The following CLTRN variants were observed in gnomAD, a reference collection of about 807,000 sequenced individuals.
CLTRN encodes the protein collectrin.
Under a neutral mutation model 14.5 loss-of-function variants are expected in CLTRN, and 12 were observed. The ratio of observed to expected loss-of-function variants is 0.83; its 90% CI spans 0.53 to 1.34. CLTRN has a LOEUF of 1.34. Among genes scored for constraint, CLTRN ranks in the 40% most tolerant of loss-of-function variants. The pLI is 0.00. For synonymous variants in CLTRN, 58 were observed against 56.5 expected, an observed-to-expected ratio of 1.03 and a Z score of -0.12; for missense variants, 154 against 165.1, an observed-to-expected ratio of 0.93 and a Z score of 0.37.
intron 3 of CLTRN, among the ~76,000 whole-genome samples, chrX:15,652,290 C>G (rs1175479987): frequency 9.0e-6 from 1 of 111,636 alleles, no homozygotes; most frequent in Non-Finnish European, 1.9e-5. Flanking sequence ...AACTGAAATG[C>G]CATTAGCACA....
At chrX:15,667,254 TAA>T (rs1929639963), upstream of CLTRN, among the ~76,000 whole-genome samples, 1 of 110,066 alleles carries the variant, frequency 9.1e-6, no homozygotes, top group African/African-American at 3.3e-5. Flanking sequence ...AATAAATAAA[TAA>T]ATAAATAAAT....
chrX:15,643,941 C>T lies in CLTRN; in HGVS notation c.317+975G>A, dbSNP rs1426260900. Among the ~76,000 whole-genome samples the T allele has an allele frequency of 2.7e-5, 3 of 111,869 alleles. No homozygotes were observed. The East Asian group carries it at 8.4e-4, about 31-fold the overall frequency. The stretch of plus-strand genomic sequence containing the variant: ...TACTTTGCTTTGTTCTAGTTTATTT[C>T]CTGAGCTCATTTTTTGAGTATATCT... On this transcript the variant is annotated intron_variant, in intron 4 of 5. Transcript: ENST00000380342.
At chrX:15,630,638 A>AT (rs1246888324) in intron 5 of CLTRN, among the ~76,000 whole-genome samples, 1 of 112,152 alleles carries the variant, frequency 8.9e-6, no homozygotes, top group Non-Finnish European at 1.9e-5. Context: ...CAGATGCCAC[A>AT]TTTTAAACAT....
upstream of CLTRN, among the ~76,000 whole-genome samples, chrX:15,665,741 A>T (rs145197558): frequency 8.8e-4 from 99 of 112,424 alleles, no homozygotes; most frequent in Non-Finnish European, 1.5e-3. Flanking sequence ...CAGCAATACA[A>T]CAGTAATTAA....
intron 4 of CLTRN, among the ~76,000 whole-genome samples, chrX:15,641,636 CTG>C (rs56407617): frequency 0.022 from 1,933 of 88,274 alleles, 21 homozygotes; most frequent in Middle Eastern, 0.044. Context: ...CCACACCTGG[CTG>C]TGTGTGTGTG....
At chrX:15,632,169 A>G (rs73195524) in intron 5 of CLTRN, among the ~76,000 whole-genome samples, 226 of 111,925 alleles carry the variant, frequency 2.0e-3, no homozygotes, top group Non-Finnish European at 3.6e-3. Context: ...GGAGGAAAGA[A>G]GTATCAGGTG....
At chrX:15,641,745 T>C (rs1187379519) in intron 4 of CLTRN, among the ~76,000 whole-genome samples, 1 of 109,563 alleles carries the variant, frequency 9.1e-6, no homozygotes, top group Non-Finnish European at 1.9e-5. Context: ...TCTTTGAAAT[T>C]TGGCTTATGT....
upstream of CLTRN, among the ~76,000 whole-genome samples, chrX:15,667,162 G>A (rs888176416): frequency 7.2e-5 from 8 of 111,540 alleles, no homozygotes; most frequent in South Asian, 3.7e-4. Context: ...GCTTGAACCC[G>A]GGAGGCGGAG....
At chrX:15,658,325 G>A (rs1929422333) in intron 3 of CLTRN, among the ~76,000 whole-genome samples, 1 of 112,488 alleles carries the variant, frequency 8.9e-6, no homozygotes, top group African/African-American at 3.2e-5. Context: ...GCCTGGTTCT[G>A]TACTTAGCTA....
At chrX:15,670,107 C>T (rs1929688508) in intron 1 of CLTRN, among the ~76,000 whole-genome samples, 1 of 109,589 alleles carries the variant, frequency 9.1e-6, no homozygotes, top group South Asian at 3.9e-4. Context: ...GAAACCCCCT[C>T]TCTACAAAAA....
At chrX:15,674,448 TGGAA>T (rs1282438362) in intron 1 of CLTRN, among the ~76,000 whole-genome samples, 1 of 111,998 alleles carries the variant, frequency 8.9e-6, no homozygotes, top group Admixed American at 9.4e-5. Context: ...TTAAATGGGC[TGGAA>T]GGAACACGGT....
chrX:15,649,874 TAAAC>T (rs1196468854), intron 3 of CLTRN, among the ~76,000 whole-genome samples: 1 of 109,055 alleles, frequency 9.2e-6, no homozygotes, highest in Non-Finnish European at 1.9e-5. Context: ...AATAGATTCT[TAAAC>T]AGAAAAAGGA....
intron 1 of CLTRN, among the ~76,000 whole-genome samples, chrX:15,670,455 A>G (rs971912302): frequency 2.7e-5 from 3 of 111,179 alleles, no homozygotes; most frequent in Non-Finnish European, 3.8e-5. Context: ...TTTAAATTGT[A>G]ATGAAATGGA....
upstream of CLTRN, among the ~76,000 whole-genome samples, chrX:15,667,224 G>A (rs773135523): frequency 6.0e-5 from 6 of 99,482 alleles, no homozygotes; most frequent in Middle Eastern, 5.0e-3. Flanking sequence ...GCAACAGAGC[G>A]AGACTCCATC....
Position 15,648,231 on chromosome X carries a change from T to C in CLTRN, c.204-3202A>G, listed in dbSNP as rs146087134. ...TCAATCAGTACGGGACTAAAGTAAA[T>C]ATAGTATATGCTGTCGAGGGAATAC... is the stretch of plus-strand genomic sequence containing the variant. On this transcript the variant is annotated intron_variant, in intron 3 of 5. Transcript: ENST00000380342. 5.5e-3 allele frequency among the ~76,000 whole-genome samples: 612 copies of C among 111,639 alleles called. 4 individuals carry two copies. The highest frequency in any genetic ancestry group is 9.8e-3 in the Non-Finnish European group (520 of 53,075).
chrX:15,673,107 G>A (rs898461917), intron 1 of CLTRN, among the ~76,000 whole-genome samples: 1 of 112,348 alleles, frequency 8.9e-6, no homozygotes, highest in Non-Finnish European at 1.9e-5. Context: ...AGCTCACAGC[G>A]TCATCATGAT....
upstream of CLTRN, among the ~76,000 whole-genome samples, chrX:15,667,230 C>T (rs959246742): frequency 2.2e-5 from 2 of 89,943 alleles, no homozygotes; most frequent in Non-Finnish European, 4.2e-5. Flanking sequence ...GAGCGAGACT[C>T]CATCTCAAAA....
upstream of CLTRN, among the ~76,000 whole-genome samples, chrX:15,669,770 C>T (rs1929683050): frequency 1.8e-5 from 2 of 111,846 alleles, no homozygotes; most frequent in African/African-American, 6.5e-5. Flanking sequence ...TTAAAATTGA[C>T]CCTGGTTATT....
At chrX:15,669,685 C>A (rs1282394578), upstream of CLTRN, among the ~76,000 whole-genome samples, 1 of 111,839 alleles carries the variant, frequency 8.9e-6, no homozygotes, top group Non-Finnish European at 1.9e-5. Flanking sequence ...TCACTAGATT[C>A]GTATAAATAC....
Sources: allele counts gnomAD v4.1 joint callset (sites outside exome capture counted in the v4.1 genomes callset), GRCh38; gene constraint gnomAD v4.1.1; transcripts MANE v1.5; gene names NCBI Gene and HGNC (gene_info 2026-07-23, HGNC 2026-07-21).